Variants in FAM76A observed in about 807,000 individuals in gnomAD.
The protein encoded by FAM76A is protein FAM76A.
In FAM76A, 32 loss-of-function variants were observed where a neutral mutation model predicts 46.2. The observed-to-expected ratio is 0.69, with a 90% CI of 0.52 to 0.93. FAM76A has a LOEUF of 0.93. Among genes scored for constraint, FAM76A ranks in the 40% least tolerant of loss-of-function variants. FAM76A has a pLI of 0.00. For synonymous variants in FAM76A, 137 were observed against 127.0 expected (o/e 1.08, Z -0.53); for missense variants, 274 against 361.5 (o/e 0.76, Z 1.96).
Position 27,755,309 on chromosome 1 carries a change from G to T in FAM76A, c.714G>T (p.Met238Ile), listed in dbSNP as rs1228052674. The change falls in exon 7 of 9, where the codon ATG (methionine) becomes ATT (isoleucine). Residue 238 changes from methionine (M) to isoleucine (I), a missense_variant. Transcript: ENST00000373954. ...LKKMLHQKDQ[M>I]ILEKEKKITE... ...AGATGTTGCATCAAAAGGATCAAAT[G>T]ATTTTAGAGAAAGAGAAGAAGGTAT... 6.2e-7 allele frequency: 1 copy of T among 1,614,022 alleles called. No individual in the cohort carries two copies. Among genetic ancestry groups the T allele is most frequent in the Non-Finnish European group, 8.5e-7 (1 of 1,180,022 alleles).
At chr1:27,746,024 A>C (rs1203721330) in intron 5 of FAM76A, among the ~76,000 whole-genome samples, 1 of 152,194 alleles carries the variant, frequency 6.6e-6, no homozygotes, top group Non-Finnish European at 1.5e-5. Context: ...CATTTAAAAA[A>C]TTAACCCTGA....
chr1:27,762,841 A>T lies in FAM76A; in HGVS notation c.*2260A>T, dbSNP rs2088529384. 1 of 152,146 alleles carries T rather than the reference A, an allele frequency of 6.6e-6. No homozygotes were observed. The allele number at this position is 152,146 out of a possible 1,614,324, so 9.4% of individuals were successfully genotyped here. ...TAAAAACATACTTAGTTTTATACTA[A>T]ATCTTTTTTTAAGGTCTTGGCATTT... On this transcript the variant is annotated 3_prime_UTR_variant, in exon 9 of 9. Transcript: ENST00000373954.
At chr1:27,736,263 AGT>A (rs1209324327) in intron 4 of FAM76A, among the ~76,000 whole-genome samples, 1 of 152,182 alleles carries the variant, frequency 6.6e-6, no homozygotes, top group African/African-American at 2.4e-5. Context: ...CAGAGGTTGC[AGT>A]GAGCCAAGAT....
At position 27,755,272 on chromosome 1, in the gene FAM76A, C is replaced by T. The variant is rs2148586219; in HGVS notation, c.677C>T (p.Ala226Val). The part of the protein sequence containing the change: ...VIIAQLKEEV[A>V]TLKKMLHQKD... The stretch of plus-strand genomic sequence containing the variant: ...ATTGCCCAACTGAAGGAAGAAGTGG[C>T]TACCCTGAAGAAGATGTTGCATCAA... The change falls in exon 7 of 9, where the codon GCT becomes GTT. Residue 226 changes from alanine (A) to valine (V), a missense_variant. Ala to Val is a moderately conservative substitution (Grantham distance 64, BLOSUM62 0). Coordinates refer to ENST00000373954, the MANE Select transcript of FAM76A (RefSeq NM_152660.3). 6.2e-6 allele frequency: 10 copies of T among 1,614,174 alleles called. 1 individual carries two copies. In the South Asian group the frequency reaches 7.7e-5, roughly 12 times the overall value.
Position 27,744,659 on chromosome 1 carries a change from T to C in FAM76A, c.360T>C (p.Asp120=). ...FDRKDDRKKV[D]GKLLCWLCTL... is the part of the protein sequence containing the mutation. ...TTTGTCTCCTTGTCTTTCAGGTAGA[T>C]GGGAAATTGCTGTGCTGGCTGTGCA... The change falls in exon 5 of 9, where the codon GAT becomes GAC. Residue 120 remains aspartate, a synonymous_variant. Coordinates refer to ENST00000373954, the MANE Select transcript of FAM76A (RefSeq NM_152660.3). The C allele has an allele frequency of 6.2e-7, 1 of 1,613,858 alleles. No homozygotes were observed. Among genetic ancestry groups the C allele is most frequent in the Non-Finnish European group, 8.5e-7 (1 of 1,179,864 alleles).
At chr1:27,737,868 CAAAAAAAA>C (rs71571865) in intron 4 of FAM76A, among the ~76,000 whole-genome samples, 34 of 62,722 alleles carry the variant, frequency 5.4e-4, no homozygotes, top group South Asian at 3.7e-3. Flanking sequence ...ACAACAACAA[CAAAAAAAA>C]AAAAAAAAAA....
intron 8 of FAM76A, chr1:27,760,220 A>G (rs2088482452): frequency 2.7e-6 from 1 of 375,528 alleles, no homozygotes; most frequent in African/African-American, 2.1e-5. Context: ...TATCCAGCTC[A>G]TGAAGTCACT....
At chr1:27,759,779 G>GTTTTTTGTTGTTTT in intron 8 of FAM76A, 152 bp downstream of exon 8, 1 of 359,620 alleles carries the variant, frequency 2.8e-6, no homozygotes, top group African/African-American at 3.5e-5. Context: ...TTTTTTTTTT[G>GTTTTTTGTTGTTTT]TTTTTTTTTT....
intron 2 of FAM76A, among the ~76,000 whole-genome samples, chr1:27,729,471 A>G (rs569475931): frequency 1.3e-5 from 2 of 151,956 alleles, no homozygotes; most frequent in Non-Finnish European, 2.9e-5. Context: ...CGGCCTCCCA[A>G]AGTGCTGGAA....
intron 4 of FAM76A, chr1:27,739,525 A>C (rs1392112348): frequency 2.9e-6 from 1 of 347,332 alleles, no homozygotes; most frequent in Non-Finnish European, 5.5e-6. Flanking sequence ...GGTGGCTCAC[A>C]CCTGTAATCG....
chr1:27,726,181 G>T lies in FAM76A; in HGVS notation c.81+20G>T. 1 of 1,271,290 alleles carries T rather than the reference G, an allele frequency of 7.9e-7. No homozygotes were observed. The allele number at this position is 1,271,290 out of a possible 1,614,324, so 78.8% of individuals were successfully genotyped here. ...TGCAAGGTGCGCGGGCTGGGGCGGC[G>T]GCCGGGAACTGGGGACGCAGGAGGC... On this transcript the variant is annotated intron_variant, in intron 1 of 8. Transcript: ENST00000373954.
chr1:27,734,087 G>A lies in FAM76A; in HGVS notation c.258G>A (p.Gln86=), dbSNP rs1428231317. 1.2e-6 allele frequency: 2 copies of A among 1,612,906 alleles called. No homozygotes were observed. The highest frequency in any genetic ancestry group is 1.7e-5 in the Admixed American group (1 of 59,736). Reference sequence around the variant, plus strand: ...CAGCATTTATTGGGAATAAATGCCAGCGCTGCACAAATTCAGAAAAGAAGT... The same window carrying A: ...CAGCATTTATTGGGAATAAATGCCAACGCTGCACAAATTCAGAAAAGAAGT... The part of the protein sequence containing the change: ...IIAAFIGNKC[Q]RCTNSEKKYG... The change falls in exon 4 of 9, where the codon CAG becomes CAA. Residue 86 remains glutamine, a synonymous_variant. Coordinates refer to ENST00000373954, the MANE Select transcript of FAM76A (RefSeq NM_152660.3).
chr1:27,730,317 G>T (rs1207903571), intron 2 of FAM76A: 1 of 157,620 alleles, frequency 6.3e-6, no homozygotes, highest in African/African-American at 2.4e-5. Flanking sequence ...CTCCCGAGTA[G>T]CTGGGATTAC....
intron 5 of FAM76A, among the ~76,000 whole-genome samples, chr1:27,748,469 G>GTT (rs1162208303): frequency 3.4e-4 from 38 of 112,640 alleles, no homozygotes; most frequent in Admixed American, 5.6e-4. Flanking sequence ...TCTTATTGAA[G>GTT]TTTTTTTTTT....
chr1:27,731,568 C>T (rs2087958916), intron 2 of FAM76A, among the ~76,000 whole-genome samples: 1 of 152,036 alleles, frequency 6.6e-6, no homozygotes, highest in African/African-American at 2.4e-5. Flanking sequence ...TTTCATATGC[C>T]TTTACTTATG....
intron 4 of FAM76A, among the ~76,000 whole-genome samples, chr1:27,737,868 C>CAAAAAAAAAAAAAAA (rs71571865): frequency 1.8e-4 from 11 of 62,704 alleles, no homozygotes; most frequent in Non-Finnish European, 2.3e-4. Flanking sequence ...ACAACAACAA[C>CAAAAAAAAAAAAAAA]AAAAAAAAAA....
At chr1:27,739,503 A>AT in intron 4 of FAM76A, 1 of 371,182 alleles carries the variant, frequency 2.7e-6, no homozygotes, top group South Asian at 2.2e-5. Flanking sequence ...AAAACTGCAT[A>AT]TGGCAGGGTG....
intron 2 of FAM76A, among the ~76,000 whole-genome samples, chr1:27,731,643 CTTTA>C (rs760740860): frequency 1.5e-4 from 23 of 152,130 alleles, no homozygotes; most frequent in Non-Finnish European, 2.6e-4. Flanking sequence ...GACACACATA[CTTTA>C]TTTGTCACCT....
At chr1:27,753,488 T>C (rs965860155) in intron 6 of FAM76A, among the ~76,000 whole-genome samples, 3 of 152,248 alleles carry the variant, frequency 2.0e-5, no homozygotes, top group Non-Finnish European at 4.4e-5. Flanking sequence ...ATAGGTCCTT[T>C]CAGTACTTTC....
Sources: gnomAD v4.1 joint callset for allele counts (sites outside exome capture counted in the v4.1 genomes callset) on GRCh38, gnomAD v4.1.1 for gene constraint, MANE v1.5 for transcripts, NCBI Gene and HGNC (gene_info 2026-07-23, HGNC 2026-07-21) for gene names.